PTPN4: variants seen among roughly 807,000 people sequenced by gnomAD.
The protein encoded by PTPN4 is tyrosine-protein phosphatase non-receptor type 4.
PTPN4 carries 49 observed loss-of-function variants against 135.5 expected under a neutral mutation model. The observed-to-expected ratio is 0.36, with a 90% CI of 0.29 to 0.46. PTPN4 has a LOEUF of 0.46. Ranked by LOEUF, PTPN4 falls within the 20% of genes least tolerant of loss-of-function variation. PTPN4 has a pLI of 1.00. For synonymous variants in PTPN4, 333 were observed against 369.9 expected (o/e 0.90, Z 1.14); for missense variants, 860 against 1,101.0 (o/e 0.78, Z 3.10).
intron 15 of PTPN4, among the ~76,000 whole-genome samples, chr2:119,941,231 TTAAG>T (rs1486381200): frequency 2.0e-5 from 3 of 152,356 alleles, no homozygotes; most frequent in Admixed American, 6.5e-5. Flanking sequence ...AGATAACTGT[TTAAG>T]TAATAAATAT....
At chr2:119,828,160 C>G (rs77495154) in intron 2 of PTPN4, among the ~76,000 whole-genome samples, 14 of 152,326 alleles carry the variant, frequency 9.2e-5, no homozygotes, top group African/African-American at 2.9e-4. Context: ...TGTCAGTGCT[C>G]TGGTCATTAG....
intron 18 of PTPN4, among the ~76,000 whole-genome samples, chr2:119,949,716 G>A (rs930574263): frequency 2.6e-5 from 4 of 152,048 alleles, no homozygotes; most frequent in African/African-American, 7.2e-5. Context: ...GGTGGCACAC[G>A]CCTGTGATGC....
Position 119,760,134 on chromosome 2 carries a change from C to T in PTPN4, c.-268C>T. On this transcript the variant is annotated 5_prime_UTR_variant, in exon 1 of 27. Coordinates refer to ENST00000263708, the MANE Select transcript of PTPN4 (RefSeq NM_002830.4). ...GGGGGTGTGGATTATCTCATCCCTGCAGGGAGGTAGGAGAGGTCGCCGGCT... is the reference window on the plus strand; with the variant it reads ...GGGGGTGTGGATTATCTCATCCCTGTAGGGAGGTAGGAGAGGTCGCCGGCT... 1 of 391,772 alleles carries T rather than the reference C, an allele frequency of 2.6e-6. No homozygotes were observed. Among genetic ancestry groups the T allele is most frequent in the East Asian group, 3.6e-5 (1 of 27,520 alleles). 24.3% of individuals were successfully genotyped at this position (391,772 alleles called of 1,614,324 possible). A position where few individuals can be genotyped will look rare whatever the true frequency, so the allele number is the denominator to read the frequency against.
chr2:119,905,401 A>G (rs573649688), intron 10 of PTPN4, among the ~76,000 whole-genome samples: 1 of 152,344 alleles, frequency 6.6e-6, no homozygotes, highest in East Asian at 1.9e-4. Flanking sequence ...ATATCAAATG[A>G]TAAAGGGATC....
At chr2:119,907,769 G>C (rs558454975) in intron 10 of PTPN4, among the ~76,000 whole-genome samples, 1 of 152,246 alleles carries the variant, frequency 6.6e-6, no homozygotes, top group African/African-American at 2.4e-5. Context: ...AGACCCAACA[G>C]AACAGAATAG....
At chr2:119,824,070 A>G (rs922313190) in intron 2 of PTPN4, among the ~76,000 whole-genome samples, 8 of 152,152 alleles carry the variant, frequency 5.3e-5, no homozygotes, top group African/African-American at 1.9e-4. Context: ...CATTATTTAT[A>G]TGTATGTCGT....
intron 2 of PTPN4, among the ~76,000 whole-genome samples, chr2:119,837,458 G>C (rs992602547): frequency 6.6e-6 from 1 of 151,824 alleles, no homozygotes; most frequent in Non-Finnish European, 1.5e-5. Flanking sequence ...GCCATCCACT[G>C]TGGGTCTCCT....
At position 119,946,583 on chromosome 2, in the gene PTPN4, T is replaced by C; in HGVS notation, c.1656+9T>C. The C allele has an allele frequency of 6.6e-7, 1 of 1,507,686 alleles. No homozygotes were observed. Among genetic ancestry groups the C allele is most frequent in the South Asian group, 1.2e-5 (1 of 86,548 alleles). The allele number at this position is 1,507,686 out of a possible 1,614,324, so 93.4% of individuals were successfully genotyped here. A position where few individuals can be genotyped will look rare whatever the true frequency, so the allele number is the denominator to read the frequency against. On this transcript the variant is annotated intron_variant, in intron 18 of 26. Transcript: ENST00000263708. The stretch of plus-strand genomic sequence containing the variant: ...TAGCACCAGGAACACCTGTGAGTTA[T>C]CTAAATGTTTCAAATAAATCCTGTT...
intron 18 of PTPN4, among the ~76,000 whole-genome samples, chr2:119,950,718 T>C (rs1370942519): frequency 6.6e-6 from 1 of 152,202 alleles, no homozygotes; most frequent in Non-Finnish European, 1.5e-5. Context: ...AAATTCACTC[T>C]CATATGTTTT....
At chr2:119,876,927 G>C (rs1677991809) in intron 3 of PTPN4, among the ~76,000 whole-genome samples, 1 of 151,344 alleles carries the variant, frequency 6.6e-6, no homozygotes, top group Non-Finnish European at 1.5e-5. Flanking sequence ...GTGTGTGTGT[G>C]TGTGTGTGTG....
At chr2:119,825,594 C>G (rs1422981579) in intron 2 of PTPN4, among the ~76,000 whole-genome samples, 1 of 150,214 alleles carries the variant, frequency 6.7e-6, no homozygotes, top group Non-Finnish European at 1.5e-5. Flanking sequence ...CTCCCAGGTT[C>G]AGGCAATTCT....
intron 26 of PTPN4, among the ~76,000 whole-genome samples, chr2:119,973,652 CTTGTTTTT>C (rs1679568567): frequency 5.5e-5 from 1 of 18,090 alleles, no homozygotes; most frequent in East Asian, 2.2e-3. Context: ...TCCTTCATTT[CTTGTTTTT>C]TTTTTTTTTT....
chr2:119,799,832 C>A (rs1691329776), intron 1 of PTPN4, among the ~76,000 whole-genome samples: 1 of 152,120 alleles, frequency 6.6e-6, no homozygotes, highest in African/African-American at 2.4e-5. Flanking sequence ...AGGAGTTGAT[C>A]ATGCTTTTAA....
At chr2:119,830,572 A>G (rs916099600) in intron 2 of PTPN4, among the ~76,000 whole-genome samples, 2 of 152,048 alleles carry the variant, frequency 1.3e-5, no homozygotes, top group African/African-American at 2.4e-5. Context: ...AGGTTCAAGC[A>G]GTTCTCCTGC....
intron 9 of PTPN4, among the ~76,000 whole-genome samples, chr2:119,889,168 C>T (rs1027017095): frequency 1.3e-5 from 2 of 152,122 alleles, no homozygotes; most frequent in Non-Finnish European, 2.9e-5. Flanking sequence ...GCCTGTAATC[C>T]CAGCACTTTG....
At chr2:119,950,947 T>C (rs888426890) in intron 18 of PTPN4, among the ~76,000 whole-genome samples, 1 of 152,176 alleles carries the variant, frequency 6.6e-6, no homozygotes, top group African/African-American at 2.4e-5. Flanking sequence ...CTTTACTGTC[T>C]CTTATAAAGG....
intron 12 of PTPN4, among the ~76,000 whole-genome samples, chr2:119,925,701 AACTGTTGTCAT>A (rs1678814332): frequency 6.6e-6 from 1 of 152,212 alleles, no homozygotes; most frequent in African/African-American, 2.4e-5. Flanking sequence ...AGAATACTGG[AACTGTTGTCAT>A]ACTTAAAATG....
intron 1 of PTPN4, among the ~76,000 whole-genome samples, chr2:119,781,181 C>T (rs1224174560): frequency 6.6e-6 from 1 of 152,178 alleles, no homozygotes; most frequent in South Asian, 2.1e-4. Context: ...CATTTAGCCT[C>T]ACCTTGTATT....
At chr2:119,826,578 G>C (rs1008953958) in intron 2 of PTPN4, among the ~76,000 whole-genome samples, 1 of 152,182 alleles carries the variant, frequency 6.6e-6, no homozygotes, top group Non-Finnish European at 1.5e-5. Flanking sequence ...AGAAGCCAAG[G>C]ATGCTGCTAA....
Sources: allele counts gnomAD v4.1 joint callset (sites outside exome capture counted in the v4.1 genomes callset), GRCh38; gene constraint gnomAD v4.1.1; transcripts MANE v1.5; gene names NCBI Gene and HGNC (gene_info 2026-07-23, HGNC 2026-07-21).